Variants in BCAS3 observed in about 807,000 individuals in gnomAD.
The protein encoded by BCAS3 is BCAS3 microtubule associated cell migration factor, also known as BCAS4/BCAS3 fusion.
BCAS3 carries 53 observed loss-of-function variants against 116.1 expected under a neutral mutation model. That is an observed-to-expected ratio of 0.46 (90% CI 0.37 to 0.57). The LOEUF (loss-of-function observed/expected upper bound fraction) is 0.57. Ranked by LOEUF, BCAS3 falls within the 20% of genes least tolerant of loss-of-function variation. The pLI, the probability that BCAS3 is intolerant of heterozygous loss-of-function variation, is 0.00. For synonymous variants in BCAS3, 391 were observed against 408.2 expected, an observed-to-expected ratio of 0.96 and a Z score of 0.51; for missense variants, 917 against 1,165.4, an observed-to-expected ratio of 0.79 and a Z score of 3.10.
rs1291887277 is a variant in BCAS3 at position 61,379,907 on chromosome 17, G to T, written c.2593+11413G>T. The T allele has an allele frequency of 2.0e-5, 3 of 152,882 alleles. No homozygotes were observed. The highest frequency in any genetic ancestry group is 7.2e-5 in the African/African-American group (3 of 41,452). 9.5% of individuals were successfully genotyped at this position (152,882 alleles called of 1,614,324 possible). On this transcript the variant is annotated intron_variant, in intron 23 of 23. Transcript: ENST00000407086. This position sits in a 1 kb window ranked among gnomAD's most constrained non-coding sequence, Gnocchi z 5.5. The stretch of plus-strand genomic sequence containing the variant: ...TCCCAGCTCCAGTTGGCCAGGGCCA[G>T]CGTGCCATCTCCATGCTGGTGTGTG...
At chr17:61,357,843 C>T (rs1453867927) in intron 22 of BCAS3, among the ~76,000 whole-genome samples, 1 of 151,670 alleles carries the variant, frequency 6.6e-6, no homozygotes, top group Non-Finnish European at 1.5e-5. Flanking sequence ...AATCCCAGAA[C>T]TTTGGGAGGC....
At chr17:61,114,902 A>G (rs2143764050) in intron 22 of BCAS3, among the ~76,000 whole-genome samples, 1 of 152,194 alleles carries the variant, frequency 6.6e-6, no homozygotes, top group South Asian at 2.1e-4. Context: ...ATATAGATCA[A>G]TGGAACAGAA....
In BCAS3 at chr17:61,131,688, T is replaced by G. The variant is rs1026831651; in HGVS notation, c.2425+47124T>G. Among the ~76,000 whole-genome samples the G allele has an allele frequency of 1.3e-5, 2 of 152,132 alleles. No homozygotes were observed. Among genetic ancestry groups the G allele is most frequent in the African/African-American group, 4.8e-5 (2 of 41,422 alleles). On this transcript the variant is annotated intron_variant, in intron 22 of 23. Transcript: ENST00000407086. This position sits in a 1 kb window ranked among gnomAD's most constrained non-coding sequence, Gnocchi z 4.4. ...TTCTCTGTTTTTCTTTCCCTGAGAGTGCTGATTAGTGACTTGCGGTGTGGA... is the reference window on the plus strand; with the variant it reads ...TTCTCTGTTTTTCTTTCCCTGAGAGGGCTGATTAGTGACTTGCGGTGTGGA...
At chr17:61,242,280 A>AG (rs1241635588) in intron 22 of BCAS3, among the ~76,000 whole-genome samples, 1 of 151,632 alleles carries the variant, frequency 6.6e-6, no homozygotes, top group Non-Finnish European at 1.5e-5. Context: ...CTGTCTCAAA[A>AG]AAAAAAAAAA....
In BCAS3 at chr17:61,106,899, A is replaced by G. The variant is rs2074692307; in HGVS notation, c.2425+22335A>G. Among the ~76,000 whole-genome samples the G allele has an allele frequency of 6.6e-6, 1 of 152,128 alleles. No individual in the cohort carries two copies. The highest frequency in any genetic ancestry group is 2.4e-5 in the African/African-American group (1 of 41,416). ...TGTTATCTGTGATTATTTGTTTAGG[A>G]TAAATTCCCAGAAGTGGAAATTCTG... On this transcript the variant is annotated intron_variant, in intron 22 of 23. Coordinates refer to ENST00000407086, the MANE Select transcript of BCAS3 (RefSeq NM_017679.5). This position sits in a 1 kb window ranked among gnomAD's most constrained non-coding sequence, Gnocchi z 4.2.
At chr17:60,798,289 G>A (rs944203841) in intron 6 of BCAS3, among the ~76,000 whole-genome samples, 1 of 152,102 alleles carries the variant, frequency 6.6e-6, no homozygotes, top group African/African-American at 2.4e-5. Context: ...CACCATTTTA[G>A]CATCATACAG....
chr17:61,262,395 T>C (rs2049283754), intron 22 of BCAS3, among the ~76,000 whole-genome samples: 1 of 152,038 alleles, frequency 6.6e-6, no homozygotes, highest in Non-Finnish European at 1.5e-5. Context: ...TTTTTTTTTT[T>C]TTGAGATATA....
intron 15 of BCAS3, 84 bp from the exon 16 acceptor site, chr17:61,015,667 G>A: frequency 1.5e-6 from 2 of 1,348,254 alleles, no homozygotes; most frequent in South Asian, 1.2e-5. Flanking sequence ...GATTACTGGA[G>A]TCAGTGAAAA....
chr17:60,772,984 C>G (rs1303428723), intron 6 of BCAS3, among the ~76,000 whole-genome samples: 1 of 152,156 alleles, frequency 6.6e-6, no homozygotes, highest in Non-Finnish European at 1.5e-5. Flanking sequence ...TATCAAGGAG[C>G]ATGCTTTTGG....
In BCAS3 at chr17:61,292,660, GA is replaced by G. The variant is rs2052542149; in HGVS notation, c.2426-75661del. Among the ~76,000 whole-genome samples, 4 of 151,958 alleles carry G rather than the reference GA, an allele frequency of 2.6e-5. No individual in the cohort carries two copies. In the South Asian group the frequency reaches 8.3e-4, roughly 32 times the overall value. ...AGCGAGGCTCCGTCTCAAAAAACAA[GA>G]AAAAAGAAATGAGGGGTGAGGGGTC... On this transcript the variant is annotated intron_variant, in intron 22 of 23. Coordinates refer to ENST00000407086, the MANE Select transcript of BCAS3 (RefSeq NM_017679.5).
intron 19 of BCAS3, chr17:61,070,381 A>ATATATATATATC (rs2071269556): frequency 6.7e-6 from 1 of 148,654 alleles, no homozygotes; most frequent in Non-Finnish European, 1.3e-5. Context: ...ATATATATAT[A>ATATATATATATC]TATATATATA....
In BCAS3 at chr17:61,259,189, C is replaced by T. The variant is rs1197838089; in HGVS notation, c.2426-109138C>T. On this transcript the variant is annotated intron_variant, in intron 22 of 23. Coordinates refer to ENST00000407086, the MANE Select transcript of BCAS3 (RefSeq NM_017679.5). The surrounding 1 kb of genome is among the most constrained non-coding windows in gnomAD (Gnocchi z 4.7). ...TGGTACTTGGTAGCTGCTTAGTAAA[C>T]AGTAGTTAGTATCATCATTACTTGT... is the stretch of plus-strand genomic sequence containing the variant. Among the ~76,000 whole-genome samples the T allele has an allele frequency of 6.6e-6, 1 of 152,176 alleles. No individual in the cohort carries two copies. The highest frequency in any genetic ancestry group is 1.5e-5 in the Non-Finnish European group (1 of 68,042).
At position 61,128,359 on chromosome 17, in the gene BCAS3, T is replaced by A; in HGVS notation, c.2425+43795T>A. 1 of 985,396 alleles carries A rather than the reference T, an allele frequency of 1.0e-6. No homozygotes were observed. Among genetic ancestry groups the A allele is most frequent in the Non-Finnish European group, 1.2e-6 (1 of 829,926 alleles). The allele number at this position is 985,396 out of a possible 1,614,324, so 61.0% of individuals were successfully genotyped here. A position where few individuals can be genotyped will look rare whatever the true frequency, so the allele number is the denominator to read the frequency against. ...CCATTCCAGTTCCTTTCTTATTTGT[T>A]TGATGTACAGGCTTATTTAAGTGAA... On this transcript the variant is annotated intron_variant, in intron 22 of 23. Transcript: ENST00000407086. The surrounding 1 kb of genome is among the most constrained non-coding windows in gnomAD (Gnocchi z 4.1).
At position 60,990,485 on chromosome 17, in the gene BCAS3, T is replaced by C. The variant is rs896994976; in HGVS notation, c.1486+250T>C. Among the ~76,000 whole-genome samples the C allele has an allele frequency of 6.6e-6, 1 of 152,226 alleles. No homozygotes were observed. Among genetic ancestry groups the C allele is most frequent in the Non-Finnish European group, 1.5e-5 (1 of 68,024 alleles). ...TATTTGGTATCATATTTATGGAATA[T>C]AAAACTTGGAACTATTTTTATAACT... On this transcript the variant is annotated intron_variant, in intron 15 of 23. Transcript: ENST00000407086. The surrounding 1 kb of genome is among the most constrained non-coding windows in gnomAD (Gnocchi z 5.1).
rs2055485098 is a variant in BCAS3, at chr17:61,323,542, T to C, written c.2426-44785T>C. On this transcript the variant is annotated intron_variant, in intron 22 of 23. Transcript: ENST00000407086. The surrounding 1 kb of genome is among the most constrained non-coding windows in gnomAD (Gnocchi z 4.6). ...GGATTGATATGGAAGAGAAAAGTTG[T>C]TGATAATGTAAAAATGCTTTGAGAA... Among the ~76,000 whole-genome samples, 1 of 152,216 alleles carries C rather than the reference T, an allele frequency of 6.6e-6. No homozygotes were observed. The highest frequency in any genetic ancestry group is 1.5e-5 in the Non-Finnish European group (1 of 68,040).
chr17:60,960,218 A>G lies in BCAS3; in HGVS notation c.1221+12866A>G, dbSNP rs1014084937. Among the ~76,000 whole-genome samples the G allele has an allele frequency of 6.6e-6, 1 of 152,166 alleles. No individual in the cohort carries two copies. The highest frequency in any genetic ancestry group is 2.4e-5 in the African/African-American group (1 of 41,444). ...CCTCTTTTCCCTACCAACATCCCCA[A>G]AAGTCACAACCCATTCATTACAGCA... On this transcript the variant is annotated intron_variant, in intron 14 of 23. Transcript: ENST00000407086. This position sits in a 1 kb window ranked among gnomAD's most constrained non-coding sequence, Gnocchi z 4.1.
chr17:61,012,660 A>T lies in BCAS3; in HGVS notation c.1487-3091A>T, dbSNP rs112755780. On this transcript the variant is annotated intron_variant, in intron 15 of 23. Transcript: ENST00000407086. The surrounding 1 kb of genome is among the most constrained non-coding windows in gnomAD (Gnocchi z 4.5). ...TACACAACTTACTTTGCTCTCTCAG[A>T]TGTGCTGGTTTCAAATGGACTCTAC... 4.6e-5 allele frequency among the ~76,000 whole-genome samples: 7 copies of T among 152,042 alleles called. No homozygotes were observed. Among genetic ancestry groups the T allele is most frequent in the East Asian group, 3.9e-4 (2 of 5,184 alleles).
intron 10 of BCAS3, 55 bp from the exon 11 acceptor site, chr17:60,902,565 A>T (rs1013884293): frequency 7.2e-7 from 1 of 1,385,410 alleles, no homozygotes; most frequent in Admixed American, 1.7e-5. Context: ...TAGCCTGTAG[A>T]GTTAAACAGA....
chr17:61,111,487 C>T (rs1169031362), intron 22 of BCAS3, among the ~76,000 whole-genome samples: 13 of 151,774 alleles, frequency 8.6e-5, no homozygotes, highest in East Asian at 1.9e-4. Context: ...AGGGTATCAG[C>T]GACGGAAGAT....
Sources: gnomAD v4.1 joint callset for allele counts (sites outside exome capture counted in the v4.1 genomes callset) on GRCh38, gnomAD v4.1.1 for gene constraint, Gnocchi (gnomAD v3.1) non-coding constraint, MANE v1.5 for transcripts, NCBI Gene and HGNC (gene_info 2026-07-23, HGNC 2026-07-21) for gene names.